The following ANKS1B variants were observed in gnomAD, a reference collection of about 807,000 sequenced individuals.
ANKS1B encodes the protein ankyrin repeat and sterile alpha motif domain containing 1B.
ANKS1B carries 36 observed loss-of-function variants against 148.3 expected under a neutral mutation model. The observed-to-expected ratio is 0.24, with a 90% CI of 0.19 to 0.32. The LOEUF is 0.32. Among genes scored for constraint, ANKS1B ranks in the 10% least tolerant of loss-of-function variants. The pLI, the probability that ANKS1B is intolerant of heterozygous loss-of-function variation, is 1.00. For synonymous variants in ANKS1B, 542 were observed against 560.8 expected, an observed-to-expected ratio of 0.97 and a Z score of 0.47; for missense variants, 1,157 against 1,542.6, an observed-to-expected ratio of 0.75 and a Z score of 4.19.
chr12:98,978,131 A>C (rs1480625422), intron 17 of ANKS1B, among the ~76,000 whole-genome samples: 1 of 152,062 alleles, frequency 6.6e-6, no homozygotes, highest in Non-Finnish European at 1.5e-5. Context: ...TTTAAATCTA[A>C]TCTTTGTCTT....
chr12:98,782,108 A>G lies in ANKS1B; in HGVS notation c.3354+18T>C. On this transcript the variant is annotated intron_variant, in intron 23 of 26. Transcript: ENST00000683438. ...TATATACTAGTAATAATCACACTAA[A>G]CATCAAGAAGAACCTACCTGACAGT... 6.3e-7 allele frequency: 1 copy of G among 1,594,058 alleles called. No individual in the cohort carries two copies. Among genetic ancestry groups the G allele is most frequent in the East Asian group, 2.3e-5 (1 of 44,368 alleles).
intron 14 of ANKS1B, among the ~76,000 whole-genome samples, chr12:99,201,122 A>C (rs1219285261): frequency 6.6e-6 from 1 of 152,152 alleles, no homozygotes; most frequent in Admixed American, 6.5e-5. Context: ...GTAAGGGAAG[A>C]GAGAGTGGCA....
chr12:99,372,708 CG>C (rs1182047395), intron 12 of ANKS1B, among the ~76,000 whole-genome samples: 3 of 151,990 alleles, frequency 2.0e-5, no homozygotes, highest in African/African-American at 7.2e-5. Context: ...TTTTTATATG[CG>C]ACAATTTCTG....
intron 9 of ANKS1B, among the ~76,000 whole-genome samples, chr12:99,627,398 A>G (rs2098120890): frequency 6.6e-6 from 1 of 152,204 alleles, no homozygotes; most frequent in African/African-American, 2.4e-5. Flanking sequence ...TAGGCACTTG[A>G]CAATTATCAG....
intron 12 of ANKS1B, among the ~76,000 whole-genome samples, chr12:99,308,671 G>A (rs2082687039): frequency 6.6e-6 from 1 of 151,738 alleles, no homozygotes; most frequent in Non-Finnish European, 1.5e-5. Flanking sequence ...GTTGAAATAT[G>A]ATAATGGTTT....
intron 16 of ANKS1B, among the ~76,000 whole-genome samples, chr12:99,081,031 G>T (rs2049544399): frequency 6.6e-6 from 1 of 152,170 alleles, no homozygotes; most frequent in South Asian, 2.1e-4. Flanking sequence ...GTCAAGCATT[G>T]CAAAAGACAG....
intron 17 of ANKS1B, among the ~76,000 whole-genome samples, chr12:98,956,642 T>G (rs1221275864): frequency 6.6e-6 from 1 of 151,760 alleles, no homozygotes; most frequent in African/African-American, 2.4e-5. Context: ...AATAGGATGC[T>G]TCATATGTTA....
intron 4 of ANKS1B, among the ~76,000 whole-genome samples, chr12:99,798,948 T>C (rs1393008469): frequency 1.3e-5 from 2 of 152,042 alleles, no homozygotes; most frequent in Non-Finnish European, 2.9e-5. Flanking sequence ...AGGCAATCTT[T>C]CTCCATAAAC....
At chr12:99,289,330 G>A (rs1039882542) in intron 12 of ANKS1B, among the ~76,000 whole-genome samples, 3 of 152,028 alleles carry the variant, frequency 2.0e-5, no homozygotes, top group East Asian at 3.9e-4. Flanking sequence ...TGGAGGCATC[G>A]ATGCCTCACT....
chr12:99,216,718 T>G (rs2084257531), intron 14 of ANKS1B, among the ~76,000 whole-genome samples: 1 of 152,204 alleles, frequency 6.6e-6, no homozygotes, highest in Non-Finnish European at 1.5e-5. Flanking sequence ...CTTGTCTCTT[T>G]TAAGAAGGCA....
intron 1 of ANKS1B, among the ~76,000 whole-genome samples, chr12:99,877,353 C>A (rs1346743506): frequency 6.6e-6 from 1 of 152,168 alleles, no homozygotes; most frequent in Non-Finnish European, 1.5e-5. Flanking sequence ...ATAGTCAAAC[C>A]TATCAGATAA....
At chr12:99,518,443 G>A (rs1038262088) in intron 9 of ANKS1B, among the ~76,000 whole-genome samples, 1 of 151,998 alleles carries the variant, frequency 6.6e-6, no homozygotes, top group African/African-American at 2.4e-5. Flanking sequence ...ATTTTGATAG[G>A]TTGTCTGTGT....
intron 15 of ANKS1B, among the ~76,000 whole-genome samples, chr12:99,085,970 T>G (rs2051613752): frequency 6.6e-6 from 1 of 152,062 alleles, no homozygotes; most frequent in Admixed American, 6.6e-5. Context: ...TGACACAAGT[T>G]TACCTACGTA....
Position 99,501,091 on chromosome 12 carries a change from T to G in ANKS1B, c.1438+3385A>C, listed in dbSNP as rs557587098. Among the ~76,000 whole-genome samples, 6 of 151,846 alleles carry G rather than the reference T, an allele frequency of 4.0e-5. No individual in the cohort carries two copies. The South Asian group carries it at 1.2e-3, about 32-fold the overall frequency. Reference sequence around the variant, plus strand: ...TGGAATTTTTTTCATTTCTAAAAGTTTTTTTTTTCCTCTCCAATATGCTAG... The same window carrying G: ...TGGAATTTTTTTCATTTCTAAAAGTGTTTTTTTTCCTCTCCAATATGCTAG... On this transcript the variant is annotated intron_variant, in intron 10 of 26. Transcript: ENST00000683438.
chr12:99,256,077 C>G (rs985646293), intron 12 of ANKS1B, among the ~76,000 whole-genome samples: 36 of 151,738 alleles, frequency 2.4e-4, no homozygotes, highest in African/African-American at 8.7e-4. Flanking sequence ...TGGTGAAACC[C>G]TGTCTATACT....
At position 99,180,636 on chromosome 12, in the gene ANKS1B, T is replaced by G. The variant is rs570683360; in HGVS notation, c.2420-26241A>C. Among the ~76,000 whole-genome samples the G allele has an allele frequency of 2.0e-5, 3 of 151,738 alleles. No individual in the cohort carries two copies. In the South Asian group the frequency reaches 6.3e-4, roughly 32 times the overall value. ...TCTTTGAGGGAAAGGGTTTTTTTTT[T>G]TTTTTTTTTTTAATCTGAACGAAAT... On this transcript the variant is annotated intron_variant, in intron 14 of 26. Coordinates refer to ENST00000683438, the MANE Select transcript of ANKS1B (RefSeq NM_001352186.2).
At chr12:99,105,186 T>G (rs960581586) in intron 15 of ANKS1B, among the ~76,000 whole-genome samples, 2 of 152,228 alleles carry the variant, frequency 1.3e-5, no homozygotes, top group Non-Finnish European at 1.5e-5. Context: ...TTATATTTTT[T>G]GAGGACTGTT....
At chr12:99,890,571 GT>G (rs2093043892) in intron 1 of ANKS1B, among the ~76,000 whole-genome samples, 4 of 690 alleles carry the variant, frequency 5.8e-3, no homozygotes, top group South Asian at 0.029. Context: ...CGCATTCATG[GT>G]GTGTGTGTGT....
chr12:99,190,519 A>G (rs2153881376), intron 14 of ANKS1B, among the ~76,000 whole-genome samples: 1 of 152,330 alleles, frequency 6.6e-6, no homozygotes, highest in Non-Finnish European at 1.5e-5. Flanking sequence ...AACAGAACAG[A>G]GTCCTCAGAA....
Sources: allele counts gnomAD v4.1 joint callset (sites outside exome capture counted in the v4.1 genomes callset), GRCh38; gene constraint gnomAD v4.1.1; transcripts MANE v1.5; gene names NCBI Gene and HGNC (gene_info 2026-07-23, HGNC 2026-07-21).